The following AKT1 variants were observed in gnomAD, a reference collection of about 807,000 sequenced individuals.
The protein encoded by AKT1 is RAC-alpha serine/threonine-protein kinase.
Under a neutral mutation model 63.1 loss-of-function variants are expected in AKT1, and 21 were observed. That is an observed-to-expected ratio of 0.33 (90% CI 0.24 to 0.48). The LOEUF (loss-of-function observed/expected upper bound fraction) is 0.48, where lower values mean the gene tolerates loss of function less well. Among genes scored for constraint, AKT1 ranks in the 20% least tolerant of loss-of-function variants. AKT1 has a pLI of 0.99. For synonymous variants in AKT1, 257 were observed against 253.1 expected, an observed-to-expected ratio of 1.02 and a Z score of -0.15; for missense variants, 382 against 666.0, an observed-to-expected ratio of 0.57 and a Z score of 4.69.
rs762108714 is a variant in AKT1 at position 104,773,464 on chromosome 14, C to G, written c.819G>C (p.Arg273=). 6.2e-7 allele frequency: 1 copy of G among 1,613,968 alleles called. No individual in the cohort carries two copies. Among genetic ancestry groups the G allele is most frequent in the Non-Finnish European group, 8.5e-7 (1 of 1,179,912 alleles). Residue 273 remains arginine (R), a synonymous_variant, in exon 10 of 15, where the codon CGG becomes CGC. Coordinates refer to ENST00000649815, the MANE Select transcript of AKT1 (RefSeq NM_001382430.1). ...CTGCCCGCCAGCGCACCTTGAGGTC[C>G]CGGTACACCACGTTCTTCTCCGAGT... ...YLHSEKNVVY[R]DLKLENLMLD...
rs1408741388 is a variant in AKT1 at position 104,790,880 on chromosome 14, G to A, written c.46+1718C>T. On this transcript the variant is annotated intron_variant, in intron 3 of 14. Coordinates refer to ENST00000649815, the MANE Select transcript of AKT1 (RefSeq NM_001382430.1). ...GCTCCCTGGTGTAGATGGGGAAACT[G>A]AGGCCCAAGGAGCTCAATGACCTTG... 5.9e-5 allele frequency among the ~76,000 whole-genome samples: 9 copies of A among 151,702 alleles called. No homozygotes were observed. The East Asian group carries it at 1.6e-3, about 26-fold the overall frequency.
chr14:104,774,785 G>T, intron 8 of AKT1, 153 bp downstream of exon 8: 1 of 841,212 alleles, frequency 1.2e-6, no homozygotes, highest in Non-Finnish European at 1.8e-6. Flanking sequence ...TCCACAGCCT[G>T]ACCCTCCAGG....
At chr14:104,789,523 T>C (rs1485853647) in intron 3 of AKT1, among the ~76,000 whole-genome samples, 2 of 152,240 alleles carry the variant, frequency 1.3e-5, no homozygotes, top group East Asian at 1.9e-4. Flanking sequence ...GAAGGAAAAC[T>C]GCAGGCTGGA....
At chr14:104,784,675 C>T (rs986998245) in intron 3 of AKT1, among the ~76,000 whole-genome samples, 4 of 152,146 alleles carry the variant, frequency 2.6e-5, no homozygotes, top group Admixed American at 6.5e-5. Flanking sequence ...ACCACCACCA[C>T]GGGGACCACA....
rs1200629240 is a variant in AKT1 at position 104,795,706 on chromosome 14, T to A, written c.-480A>T. The A allele has an allele frequency of 1.4e-5, 2 of 145,562 alleles. No individual in the cohort carries two copies. The highest frequency in any genetic ancestry group is 4.1e-4 in the East Asian group (2 of 4,898). 9.0% of individuals were successfully genotyped at this position (145,562 alleles called of 1,614,324 possible). On this transcript the variant is annotated 5_prime_UTR_variant, in exon 1 of 15. Transcript: ENST00000649815. This position sits in a 1 kb window ranked among gnomAD's most constrained non-coding sequence, Gnocchi z 5.1. The stretch of plus-strand genomic sequence containing the variant: ...GCTCCCGTCTTCGGGCCGCGCTGCG[T>A]GCGCTGGGCCAGCCGCCTGCCGCGC...
At chr14:104,782,614 T>C (rs1258177666) in intron 3 of AKT1, among the ~76,000 whole-genome samples, 1 of 152,112 alleles carries the variant, frequency 6.6e-6, no homozygotes, top group Admixed American at 6.5e-5. Context: ...TGGGGAGTCC[T>C]GGGATGGGCA....
At chr14:104,791,153 G>A (rs751242530) in intron 3 of AKT1, among the ~76,000 whole-genome samples, 2 of 152,008 alleles carry the variant, frequency 1.3e-5, no homozygotes, top group African/African-American at 4.8e-5. Context: ...GGGTCAGCCC[G>A]AGATCCAACA....
intron 6 of AKT1, 172 bp from the exon 7 acceptor site, chr14:104,775,379 C>T: frequency 3.9e-6 from 5 of 1,272,364 alleles, no homozygotes; most frequent in Non-Finnish European, 5.3e-6. Context: ...ACAGGGAACA[C>T]ATGGCTGCGG....
At chr14:104,775,611 A>G (rs1316652683) in intron 6 of AKT1, 41 bp downstream of exon 6, 4 of 1,606,846 alleles carry the variant, frequency 2.5e-6, no homozygotes, top group Non-Finnish European at 2.6e-6. Flanking sequence ...CCACAGTCCA[A>G]GGCAGCCCCA....
intron 3 of AKT1, among the ~76,000 whole-genome samples, chr14:104,789,404 G>A (rs961036880): frequency 5.3e-5 from 8 of 152,224 alleles, no homozygotes; most frequent in African/African-American, 9.6e-5. Flanking sequence ...GCTGGTGCAC[G>A]GCCCCAGGAG....
chr14:104,777,675 G>A, intron 4 of AKT1: 1 of 986,502 alleles, frequency 1.0e-6, no homozygotes, highest in Non-Finnish European at 1.2e-6. Flanking sequence ...GGGCTCCGTG[G>A]CAGGCTCTGG....
chr14:104,794,549 A>G (rs1595267128), intron 1 of AKT1: 1 of 115,034 alleles, frequency 8.7e-6, no homozygotes, highest in African/African-American at 3.5e-5. Context: ...TTAAGTCACA[A>G]CTTAAAAAAA....
rs1011405879 is a variant in AKT1 at position 104,773,907 on chromosome 14, C to A, written c.702+5G>T. ...AAGTCCATCCCCCGCAGCCCCAGCC[C>A]CTACCTCGCCCCCGTTGGCGTACTC... On this transcript the variant is annotated splice_donor_5th_base_variant and intron_variant, in intron 9 of 14. Transcript: ENST00000649815. 2 of 1,605,416 alleles carry A rather than the reference C, an allele frequency of 1.2e-6. No individual in the cohort carries two copies. Among genetic ancestry groups the A allele is most frequent in the African/African-American group, 1.3e-5 (1 of 74,814 alleles).
intron 3 of AKT1, among the ~76,000 whole-genome samples, chr14:104,782,411 G>A (rs571265903): frequency 9.2e-5 from 14 of 151,966 alleles, no homozygotes; most frequent in South Asian, 4.2e-4. Flanking sequence ...TGCTGCCCCC[G>A]AGCACGCAGC....
chr14:104,791,266 T>A (rs1259993062), intron 3 of AKT1, among the ~76,000 whole-genome samples: 1 of 149,782 alleles, frequency 6.7e-6, no homozygotes, highest in Non-Finnish European at 1.5e-5. Context: ...GGGCAGGGGG[T>A]CCCTGACACC....
chr14:104,785,105 G>A (rs961214613), intron 3 of AKT1, among the ~76,000 whole-genome samples: 4 of 152,288 alleles, frequency 2.6e-5, no homozygotes, highest in East Asian at 1.9e-4. Context: ...CCCCACTGCC[G>A]ACACATCCAT....
At chr14:104,779,045 A>C (rs1892882828) in intron 4 of AKT1, among the ~76,000 whole-genome samples, 1 of 152,182 alleles carries the variant, frequency 6.6e-6, no homozygotes. Flanking sequence ...GCTGGGCTCC[A>C]GGACAGGGAC....
rs1892621826 is a variant in AKT1, at chr14:104,774,978, T to C, written c.593A>G (p.Glu198Gly). 6.2e-7 allele frequency: 1 copy of C among 1,613,034 alleles called. No homozygotes were observed. Among genetic ancestry groups the C allele is most frequent in the Non-Finnish European group, 8.5e-7 (1 of 1,179,832 alleles). ...CCTGGAGTTCTGCAGGACGCGGTTC[T>C]CGGTGAGTGTGTGGGCCACCTCGTC... ...AKDEVAHTLTENRVLQNSRHP... is the reference protein window; with the variant it reads ...AKDEVAHTLTGNRVLQNSRHP... Residue 198 changes from glutamate (E) to glycine (G), a missense_variant, in exon 8 of 15, where the codon GAG (glutamate) becomes GGG (glycine). Glu to Gly is a moderately conservative substitution (Grantham distance 98). Transcript: ENST00000649815.
chr14:104,792,575 C>T, intron 3 of AKT1, 23 bp downstream of exon 3: 1 of 1,611,678 alleles, frequency 6.2e-7, no homozygotes, highest in Non-Finnish European at 8.5e-7. Flanking sequence ...TCCCCAGGCC[C>T]AGCCCTGGCA....
Sources: gnomAD v4.1 joint callset for allele counts (sites outside exome capture counted in the v4.1 genomes callset) on GRCh38, gnomAD v4.1.1 for gene constraint, Gnocchi (gnomAD v3.1) non-coding constraint, MANE v1.5 for transcripts, NCBI Gene and HGNC (gene_info 2026-07-23, HGNC 2026-07-21) for gene names.